The following STK32B variants were observed in gnomAD, a reference collection of about 807,000 sequenced individuals.
The protein encoded by STK32B is serine/threonine kinase 32B, also known as serine/threonine-protein kinase 32B.
A neutral mutation model predicts 52.6 loss-of-function variants in STK32B; 43 were observed. That is an observed-to-expected ratio of 0.82 (90% confidence interval 0.64 to 1.05). The LOEUF (loss-of-function observed/expected upper bound fraction) is 1.05. STK32B is among the 50% of genes least tolerant of loss of function. The probability of loss-of-function intolerance (pLI) is 0.00; values close to 1 mark genes in which losing one functional copy is unlikely to be tolerated. For synonymous variants in STK32B, 238 were observed against 204.3 expected, an observed-to-expected ratio of 1.17 and a Z score of -1.41; for missense variants, 621 against 534.6, an observed-to-expected ratio of 1.16 and a Z score of -1.59.
At chr4:5,361,655 A>AT (rs757444160) in intron 4 of STK32B, among the ~76,000 whole-genome samples, 3 of 152,068 alleles carry the variant, frequency 2.0e-5, no homozygotes, top group East Asian at 1.9e-4. Context: ...GCCTATTTCA[A>AT]TTTTTTTTGA....
chr4:5,344,394 C>T (rs537758969), intron 4 of STK32B, among the ~76,000 whole-genome samples: 26 of 152,274 alleles, frequency 1.7e-4, no homozygotes, highest in Non-Finnish European at 2.9e-4. Flanking sequence ...AGTCCGATGA[C>T]CTATGATGCA....
intron 4 of STK32B, among the ~76,000 whole-genome samples, chr4:5,371,886 G>A (rs777498313): frequency 1.3e-5 from 2 of 152,222 alleles, no homozygotes; most frequent in Non-Finnish European, 2.9e-5. Context: ...CAAAAGTACT[G>A]TGTAAGCTCA....
chr4:5,269,326 A>G (rs1253872060), intron 3 of STK32B, among the ~76,000 whole-genome samples: 1 of 152,216 alleles, frequency 6.6e-6, no homozygotes, highest in Non-Finnish European at 1.5e-5. Context: ...GAAGGGTCTC[A>G]GGAATGGGGG....
intron 1 of STK32B, among the ~76,000 whole-genome samples, chr4:5,073,193 GCTCT>G (rs1242922121): frequency 6.6e-6 from 1 of 151,846 alleles, no homozygotes; most frequent in Non-Finnish European, 1.5e-5. Flanking sequence ...CTACCACCTT[GCTCT>G]CTGTTTTCTA....
rs752036100 is a variant in STK32B at position 5,230,178 on chromosome 4, C to CTTTTTTTTTTTTTTTTTTTTTTTTTTTTT, written c.260+61731_260+61759dup. On this transcript the variant is annotated intron_variant, in intron 3 of 11. Transcript: ENST00000282908. ...AGAAGAACACTCAAGCATGCATTCC[C>CTTTTTTTTTTTTTTTTTTTTTTTTTTTTT]TTTTTTTTTTTTTTTTTTTTTTTTT... 3.7e-4 allele frequency among the ~76,000 whole-genome samples: 26 copies of CTTTTTTTTTTTTTTTTTTTTTTTTTTTTT among 71,120 alleles called. 1 individual carries two copies. The highest frequency in any genetic ancestry group is 4.9e-4 in the Non-Finnish European group (21 of 42,466). The allele number at this position is 71,120 out of a possible 152,430, so 46.7% of individuals were successfully genotyped here. A position where few individuals can be genotyped will look rare whatever the true frequency, so the allele number is the denominator to read the frequency against.
At chr4:5,339,609 A>G (rs1732937010) in intron 4 of STK32B, among the ~76,000 whole-genome samples, 1 of 152,104 alleles carries the variant, frequency 6.6e-6, no homozygotes, top group East Asian at 1.9e-4. Context: ...CCCTCAGATG[A>G]GTGTTGCTTC....
At position 5,499,964 on chromosome 4, in the gene STK32B, A is replaced by G. The variant is rs1478561187; in HGVS notation, c.*881A>G. ...TTTTCTCTCCTGGGAAGGGTGTAAA[A>G]TCAGCTTGTCAGATTCTTCTTACAG... On this transcript the variant is annotated 3_prime_UTR_variant, in exon 12 of 12. Transcript: ENST00000282908. 1.3e-5 allele frequency: 2 copies of G among 152,220 alleles called. No individual in the cohort carries two copies. The highest frequency in any genetic ancestry group is 2.9e-5 in the Non-Finnish European group (2 of 68,050). 9.4% of individuals were successfully genotyped at this position (152,220 alleles called of 1,614,324 possible). A position where few individuals can be genotyped will look rare whatever the true frequency, so the allele number is the denominator to read the frequency against.
At chr4:5,478,407 C>G (rs910541966) in intron 11 of STK32B, among the ~76,000 whole-genome samples, 6 of 152,130 alleles carry the variant, frequency 3.9e-5, no homozygotes, top group African/African-American at 1.4e-4. Flanking sequence ...TGAATCCAAC[C>G]AAAGACTCCC....
In STK32B at chr4:5,245,640, G is replaced by A. The variant is rs59385239; in HGVS notation, c.260+77190G>A. 3.6e-3 allele frequency among the ~76,000 whole-genome samples: 549 copies of A among 152,172 alleles called. 11 individuals carry two copies. The East Asian group carries it at 0.064, about 18-fold the overall frequency. ...ATGATGTTAGCTGGTTATTTTGCTC[G>A]TTAGTTGATGCAGTTTCTTCCTAGC... On this transcript the variant is annotated intron_variant, in intron 3 of 11. Transcript: ENST00000282908.
chr4:5,349,860 T>C (rs1733715385), intron 4 of STK32B, among the ~76,000 whole-genome samples: 1 of 152,092 alleles, frequency 6.6e-6, no homozygotes. Context: ...ATTCAGAGGC[T>C]TCAGTAATAG....
intron 3 of STK32B, among the ~76,000 whole-genome samples, chr4:5,235,981 A>AG (rs1724607187): frequency 6.6e-6 from 1 of 151,634 alleles, no homozygotes; most frequent in African/African-American, 2.4e-5. Flanking sequence ...AGGGGATGGG[A>AG]GGGGATTAGA....
chr4:5,110,832 A>G (rs1714364883), intron 1 of STK32B, among the ~76,000 whole-genome samples: 1 of 152,208 alleles, frequency 6.6e-6, no homozygotes, highest in Non-Finnish European at 1.5e-5. Context: ...GACAGCCTAC[A>G]GAATGGGAGA....
Position 5,268,158 on chromosome 4 carries a change from G to A in STK32B, c.261-63062G>A, listed in dbSNP as rs1727172397. ...ATCATTTTAGAGAGAGGAATGTAAA[G>A]AAAGTTTCACTTTGATATTTCTTTG... On this transcript the variant is annotated intron_variant, in intron 3 of 11. Transcript: ENST00000282908. Among the ~76,000 whole-genome samples the A allele has an allele frequency of 1.3e-5, 2 of 152,168 alleles. 1 individual carries two copies. Among genetic ancestry groups the A allele is most frequent in the Admixed American group, 1.3e-4 (2 of 15,284 alleles).
chr4:5,235,867 A>C (rs1724596654), intron 3 of STK32B, among the ~76,000 whole-genome samples: 1 of 152,204 alleles, frequency 6.6e-6, no homozygotes, highest in Non-Finnish European at 1.5e-5. Flanking sequence ...GACACATAGG[A>C]GAGGAGATGG....
chr4:5,421,135 C>T (rs1263458993), intron 6 of STK32B, among the ~76,000 whole-genome samples: 1 of 147,482 alleles, frequency 6.8e-6, no homozygotes, highest in Non-Finnish European at 1.5e-5. Flanking sequence ...TGTTGCCCAG[C>T]CTGGAGTGCA....
the STK32B span, among the ~76,000 whole-genome samples, chr4:5,039,967 A>G: frequency 6.6e-6 from 1 of 152,204 alleles, no homozygotes; most frequent in Admixed American, 6.5e-5. Context: ...ATTCTGCTAC[A>G]TGAGGACGTC....
At chr4:5,377,445 T>A (rs1163006821) in intron 4 of STK32B, among the ~76,000 whole-genome samples, 1 of 146,748 alleles carries the variant, frequency 6.8e-6, no homozygotes, top group Non-Finnish European at 1.5e-5. Context: ...GCCTTCTTAC[T>A]CTTTTTGTCA....
At chr4:5,339,403 G>A (rs910016820) in intron 4 of STK32B, among the ~76,000 whole-genome samples, 2 of 152,142 alleles carry the variant, frequency 1.3e-5, no homozygotes, top group Admixed American at 6.6e-5. Context: ...TTGAGTCAGC[G>A]TTTTTTACCT....
At chr4:5,027,156 A>G in the STK32B span, among the ~76,000 whole-genome samples, 1 of 152,130 alleles carries the variant, frequency 6.6e-6, no homozygotes, top group East Asian at 1.9e-4. Context: ...TCCCCTGTTT[A>G]TGTGATGTGT....
Sources: allele counts gnomAD v4.1 joint callset (sites outside exome capture counted in the v4.1 genomes callset), GRCh38; gene constraint gnomAD v4.1.1; transcripts MANE v1.5; gene names NCBI Gene and HGNC (gene_info 2026-07-23, HGNC 2026-07-21).